The following OPA1 variants were observed in gnomAD, a reference collection of about 807,000 sequenced individuals.
OPA1 encodes dynamin-like GTPase OPA1, mitochondrial.
In OPA1, 59 loss-of-function variants were observed where a neutral mutation model predicts 152.9. The observed-to-expected ratio is 0.39, with a 90% CI of 0.31 to 0.48. The LOEUF (loss-of-function observed/expected upper bound fraction) is 0.48. OPA1 is among the 20% of genes least tolerant of loss of function. The pLI, the probability that OPA1 is intolerant of heterozygous loss-of-function variation, is 0.96. For synonymous variants in OPA1, 400 were observed against 389.9 expected (o/e 1.03, Z -0.31); for missense variants, 1,008 against 1,216.8 (o/e 0.83, Z 2.55).
chr3:193,671,681 A>T (rs535527554), intron 29 of OPA1, among the ~76,000 whole-genome samples: 4 of 152,242 alleles, frequency 2.6e-5, no homozygotes, highest in Non-Finnish European at 5.9e-5. Flanking sequence ...CATGATTACA[A>T]CAAATGTTTC....
chr3:193,662,459 G>A (rs1402444981), intron 25 of OPA1, among the ~76,000 whole-genome samples: 4 of 152,072 alleles, frequency 2.6e-5, no homozygotes, highest in African/African-American at 9.7e-5. Flanking sequence ...ATGCATTCAG[G>A]GTGCTTTTTC....
At chr3:193,693,399 G>A (rs1429253479) in intron 30 of OPA1, among the ~76,000 whole-genome samples, 1 of 152,174 alleles carries the variant, frequency 6.6e-6, no homozygotes, top group Non-Finnish European at 1.5e-5. Flanking sequence ...CAGCACTTAG[G>A]GAGACCAAGG....
chr3:193,685,751 A>G (rs371750057), intron 29 of OPA1, among the ~76,000 whole-genome samples: 1 of 152,218 alleles, frequency 6.6e-6, no homozygotes, highest in Admixed American at 6.5e-5. Context: ...CCAATAAATA[A>G]AAAGATACTA....
chr3:193,664,231 T>C (rs1224071154), intron 26 of OPA1, among the ~76,000 whole-genome samples: 1 of 152,130 alleles, frequency 6.6e-6, no homozygotes, highest in East Asian at 1.9e-4. Context: ...ACATGTGAAT[T>C]CTAGTGTATT....
At chr3:193,617,730 C>A (rs1729289206) in intron 4 of OPA1, 54 bp from the exon 5 acceptor site, 1 of 1,313,054 alleles carries the variant, frequency 7.6e-7, no homozygotes, top group Non-Finnish European at 1.1e-6. Flanking sequence ...TCTTTGTTTG[C>A]TCATTTCTGT....
intron 6 of OPA1, among the ~76,000 whole-genome samples, chr3:193,622,336 C>G (rs1341686497): frequency 6.8e-6 from 1 of 146,510 alleles, no homozygotes; most frequent in Non-Finnish European, 1.5e-5. Flanking sequence ...TCAAGCGATT[C>G]TCCTGCCTCA....
chr3:193,594,966 T>C (rs1725277953), intron 1 of OPA1, among the ~76,000 whole-genome samples: 1 of 152,206 alleles, frequency 6.6e-6, no homozygotes, highest in Non-Finnish European at 1.5e-5. Context: ...GCAATTAAGA[T>C]GTATAAGAAG....
chr3:193,622,173 ATTAT>A (rs1319459327), intron 6 of OPA1, among the ~76,000 whole-genome samples: 2 of 151,190 alleles, frequency 1.3e-5, no homozygotes, highest in Non-Finnish European at 2.9e-5. Context: ...TTTAAGTATA[ATTAT>A]TAAATTATAA....
At position 193,648,132 on chromosome 3, in the gene OPA1, C is replaced by A; in HGVS notation, c.1933C>A (p.Arg645=). Residue 645 remains arginine, a splice_region_variant and synonymous_variant, in exon 20 of 31, where the codon CGG becomes AGG. Transcript: ENST00000361510. ...NNYPRLRELD[R]NELFEKAKNE... ...CTATCCTCGCCTGCGGGAACTTGAC[C>A]GGGTAATATTTGGATACTCGTGTAT... The A allele has an allele frequency of 1.2e-6, 2 of 1,606,830 alleles. 1 individual carries two copies. The highest frequency in any genetic ancestry group is 1.7e-6 in the Non-Finnish European group (2 of 1,173,554).
chr3:193,597,138 T>G (rs1366172046), intron 1 of OPA1, among the ~76,000 whole-genome samples: 2 of 151,184 alleles, frequency 1.3e-5, no homozygotes, highest in Non-Finnish European at 3.0e-5. Flanking sequence ...TGAGATTGCC[T>G]AGGGAGAGTG....
At chr3:193,624,637 A>C (rs1484949951) in intron 6 of OPA1, among the ~76,000 whole-genome samples, 1 of 152,116 alleles carries the variant, frequency 6.6e-6, no homozygotes, top group Non-Finnish European at 1.5e-5. Context: ...ATTTAAAGAC[A>C]TGTCTTTTTA....
At chr3:193,638,605 C>G (rs1379162214) in intron 11 of OPA1, among the ~76,000 whole-genome samples, 1 of 152,162 alleles carries the variant, frequency 6.6e-6, no homozygotes, top group Non-Finnish European at 1.5e-5. Context: ...TATTTCTAAA[C>G]AGTACTAACA....
chr3:193,593,476 C>G (rs1473988820), intron 1 of OPA1, 67 bp downstream of exon 1: 8 of 1,413,004 alleles, frequency 5.7e-6, no homozygotes, highest in Non-Finnish European at 7.5e-6. Flanking sequence ...TGTCTTATCT[C>G]TATCTCCAAA....
chr3:193,611,117 T>C (rs1176933480), intron 1 of OPA1, among the ~76,000 whole-genome samples: 1 of 152,218 alleles, frequency 6.6e-6, no homozygotes, highest in African/African-American at 2.4e-5. Flanking sequence ...TCACCCGTTT[T>C]CTGCGTCGCT....
chr3:193,653,353 ACT>A (rs1270294395), intron 21 of OPA1, among the ~76,000 whole-genome samples: 1 of 151,952 alleles, frequency 6.6e-6, no homozygotes, highest in East Asian at 1.9e-4. Context: ...GGAGATGTTG[ACT>A]CTCCTCACCA....
In OPA1 at chr3:193,669,253, A is replaced by G. The variant is rs1717381611; in HGVS notation, c.2983+1973A>G. Among the ~76,000 whole-genome samples the G allele has an allele frequency of 2.0e-5, 3 of 152,146 alleles. No homozygotes were observed. The South Asian group carries it at 6.2e-4, about 31-fold the overall frequency. ...GCTTGCGGCCCCATTCTCTCCCTCTAGTAATAATCTAAGTTCTGCATTGCT... is the reference window on the plus strand; with the variant it reads ...GCTTGCGGCCCCATTCTCTCCCTCTGGTAATAATCTAAGTTCTGCATTGCT... On this transcript the variant is annotated intron_variant, in intron 29 of 30. Transcript: ENST00000361510.
chr3:193,658,246 CAAAAAAA>C (rs10544016), intron 23 of OPA1, among the ~76,000 whole-genome samples: 1 of 96,558 alleles, frequency 1.0e-5, no homozygotes, highest in East Asian at 3.3e-4. Context: ...ACTCCGTTTT[CAAAAAAA>C]AAAAAAAAAA....
chr3:193,618,847 G>C, intron 5 of OPA1, 22 bp from the exon 6 acceptor site: 1 of 1,595,230 alleles, frequency 6.3e-7, no homozygotes, highest in Non-Finnish European at 8.6e-7. Flanking sequence ...AGAATGTAAA[G>C]GGTTGCATAT....
chr3:193,638,259 G>T (rs961480201), intron 11 of OPA1, among the ~76,000 whole-genome samples, 194 bp downstream of exon 11: 3 of 152,180 alleles, frequency 2.0e-5, no homozygotes, highest in Non-Finnish European at 4.4e-5. Flanking sequence ...TGAGGGGAGA[G>T]TGGTAGGAGA....
Sources: allele counts gnomAD v4.1 joint callset (sites outside exome capture counted in the v4.1 genomes callset), GRCh38; gene constraint gnomAD v4.1.1; transcripts MANE v1.5; gene names NCBI Gene and HGNC (gene_info 2026-07-23, HGNC 2026-07-21).